RANBP17: variants seen among roughly 807,000 people sequenced by gnomAD.
RANBP17 encodes ran-binding protein 17.
A neutral mutation model predicts 141.2 loss-of-function variants in RANBP17; 158 were observed. The ratio of observed to expected loss-of-function variants is 1.12; its 90% CI spans 0.98 to 1.28. RANBP17 has a LOEUF of 1.28. RANBP17 is among the 50% of genes most tolerant of loss of function. The probability of loss-of-function intolerance (pLI) is 0.00; values close to 1 mark genes in which losing one functional copy is unlikely to be tolerated. For missense variants in RANBP17, 1,438 were observed against 1,290.7 expected (o/e 1.11, Z -1.75); for synonymous variants, 430 against 450.0 (o/e 0.96, Z 0.56).
chr5:170,942,613 T>C (rs1774418914), intron 12 of RANBP17, among the ~76,000 whole-genome samples: 1 of 152,160 alleles, frequency 6.6e-6, no homozygotes, highest in Admixed American at 6.5e-5. Flanking sequence ...GCATTAAATA[T>C]TGACTCATGC....
At position 170,955,283 on chromosome 5, in the gene RANBP17, C is replaced by G. The variant is rs569907055; in HGVS notation, c.1574+1581C>G. ...CATATTGTTGCCAGTTTATAGGTAA[C>G]AAATGTATTATTTCAATTGGTATTT... is the stretch of plus-strand genomic sequence containing the variant. On this transcript the variant is annotated intron_variant, in intron 13 of 27. Coordinates refer to ENST00000523189, the MANE Select transcript of RANBP17 (RefSeq NM_022897.5). Among the ~76,000 whole-genome samples the G allele has an allele frequency of 4.3e-3, 652 of 151,848 alleles. 2 individuals carry two copies. Among genetic ancestry groups the G allele is most frequent in the Non-Finnish European group, 6.3e-3 (430 of 67,924 alleles).
intron 14 of RANBP17, among the ~76,000 whole-genome samples, chr5:171,080,081 A>G (rs1490156683): frequency 1.3e-5 from 2 of 152,106 alleles, no homozygotes; most frequent in African/African-American, 4.8e-5. Flanking sequence ...CCTGGAAGAA[A>G]ACCTGTCAGT....
chr5:170,920,782 C>T (rs1156910990), intron 11 of RANBP17, among the ~76,000 whole-genome samples: 3 of 152,050 alleles, frequency 2.0e-5, no homozygotes, highest in Admixed American at 6.6e-5. Context: ...TTTTAATGAT[C>T]ACCATTCTAA....
intron 14 of RANBP17, among the ~76,000 whole-genome samples, chr5:171,045,869 C>T (rs1263868298): frequency 6.6e-6 from 1 of 152,198 alleles, no homozygotes; most frequent in African/African-American, 2.4e-5. Flanking sequence ...CATGGTGTCA[C>T]ATCTTCCCTC....
Position 171,265,807 on chromosome 5 carries a change from T to A in RANBP17, c.2903T>A (p.Leu968Gln). Reference sequence around the variant, plus strand: ...GAGGCTACCCAGGCTGGTCAGAGACTATTACATTTTATGCAGCAAAACCCA... The same window carrying A: ...GAGGCTACCCAGGCTGGTCAGAGACAATTACATTTTATGCAGCAAAACCCA... ...CREATQAGQR[L>Q]LHFMQQNPDV... The change falls in exon 25 of 28, where the codon CTA (leucine) becomes CAA (glutamine). Residue 968 changes from leucine to glutamine, a missense_variant. By Grantham distance (113) the Leu-to-Gln change is moderately radical (BLOSUM62 -2). Transcript: ENST00000523189. 11 of 1,613,906 alleles carry A rather than the reference T, an allele frequency of 6.8e-6. No homozygotes were observed. Among genetic ancestry groups the A allele is most frequent in the African/African-American group, 1.3e-5 (1 of 75,034 alleles).
chr5:171,061,727 T>C (rs1422967924), intron 14 of RANBP17, among the ~76,000 whole-genome samples: 1 of 152,166 alleles, frequency 6.6e-6, no homozygotes, highest in East Asian at 1.9e-4. Context: ...TTGTTAACTT[T>C]CTCTCTCATT....
intron 14 of RANBP17, among the ~76,000 whole-genome samples, chr5:171,115,277 T>C (rs1755536455): frequency 6.6e-6 from 1 of 152,212 alleles, no homozygotes; most frequent in African/African-American, 2.4e-5. Context: ...GATATGAGTA[T>C]AGTATATTAG....
intron 13 of RANBP17, among the ~76,000 whole-genome samples, chr5:170,955,085 G>C (rs1181491487): frequency 1.3e-5 from 2 of 152,040 alleles, no homozygotes; most frequent in African/African-American, 4.8e-5. Context: ...ATCTGAGGTG[G>C]AACAGTTTCA....
intron 14 of RANBP17, among the ~76,000 whole-genome samples, chr5:171,088,954 C>G (rs1481436391): frequency 6.6e-6 from 1 of 151,922 alleles, no homozygotes; most frequent in African/African-American, 2.4e-5. Flanking sequence ...AAGCCTTCTT[C>G]TCTCAGCTCG....
chr5:171,156,250 A>G (rs1179712237), intron 14 of RANBP17, among the ~76,000 whole-genome samples: 1 of 152,076 alleles, frequency 6.6e-6, no homozygotes. Flanking sequence ...CTTCTATATA[A>G]TTTATTTTAA....
intron 14 of RANBP17, among the ~76,000 whole-genome samples, chr5:171,137,549 G>A (rs1283986700): frequency 3.4e-5 from 5 of 147,720 alleles, no homozygotes; most frequent in African/African-American, 1.0e-4. Context: ...TTTAGCACTA[G>A]GAAATGCTTC....
chr5:171,112,884 G>A (rs1192659083), intron 14 of RANBP17, among the ~76,000 whole-genome samples: 1 of 152,086 alleles, frequency 6.6e-6, no homozygotes, highest in Non-Finnish European at 1.5e-5. Context: ...AAGAAACAAA[G>A]TAGGAAAAAT....
At chr5:171,102,252 T>G (rs1049029789) in intron 14 of RANBP17, among the ~76,000 whole-genome samples, 5 of 152,196 alleles carry the variant, frequency 3.3e-5, no homozygotes, top group African/African-American at 1.2e-4. Flanking sequence ...GTTTGGTCTT[T>G]TCACATAGTC....
rs1014566251 is a variant in RANBP17 at position 170,970,133 on chromosome 5, A to G, written c.1710+1756A>G. On this transcript the variant is annotated intron_variant, in intron 14 of 27. Transcript: ENST00000523189. Reference sequence around the variant, plus strand: ...TGGTATTAATGTCCTCATTTTACTAATGAAAGAACAGACTCTCTAAGACAT... The same window carrying G: ...TGGTATTAATGTCCTCATTTTACTAGTGAAAGAACAGACTCTCTAAGACAT... Among the ~76,000 whole-genome samples the G allele has an allele frequency of 4.9e-5, 5 of 102,070 alleles. No individual in the cohort carries two copies. The Admixed American group carries it at 5.4e-4, about 11-fold the overall frequency. The allele number at this position is 102,070 out of a possible 152,430, so 67.0% of individuals were successfully genotyped here.
At chr5:171,159,227 T>C (rs1231331710) in intron 14 of RANBP17, among the ~76,000 whole-genome samples, 1 of 152,214 alleles carries the variant, frequency 6.6e-6, no homozygotes, top group Admixed American at 6.5e-5. Flanking sequence ...TCACATTGGC[T>C]ATGTATGTAT....
At chr5:170,953,767 T>C in intron 13 of RANBP17, 65 bp downstream of exon 13, 1 of 1,044,226 alleles carries the variant, frequency 9.6e-7, no homozygotes, top group East Asian at 2.5e-5. Context: ...GTTATTGAAC[T>C]AGTATTATGA....
At chr5:171,255,923 CT>C (rs1266860959) in intron 24 of RANBP17, among the ~76,000 whole-genome samples, 2 of 152,132 alleles carry the variant, frequency 1.3e-5, no homozygotes, top group Admixed American at 1.3e-4. Flanking sequence ...TTAAATCCCA[CT>C]TCTTAAATCA....
At chr5:171,212,414 G>T (rs1055093211) in intron 20 of RANBP17, among the ~76,000 whole-genome samples, 3 of 152,164 alleles carry the variant, frequency 2.0e-5, no homozygotes, top group African/African-American at 7.2e-5. Flanking sequence ...GAAAGACAGG[G>T]ATATGTTAGA....
intron 14 of RANBP17, among the ~76,000 whole-genome samples, chr5:170,974,124 A>C (rs1189162962): frequency 6.6e-6 from 1 of 152,166 alleles, no homozygotes. Context: ...ATCAGCTCCA[A>C]AGTCTGAAGC....
Sources: allele counts gnomAD v4.1 joint callset (sites outside exome capture counted in the v4.1 genomes callset), GRCh38; gene constraint gnomAD v4.1.1; transcripts MANE v1.5; gene names NCBI Gene and HGNC (gene_info 2026-07-23, HGNC 2026-07-21).